TENM3: variants seen among roughly 807,000 people sequenced by gnomAD.
The protein encoded by TENM3 is teneurin-3.
In TENM3, 63 loss-of-function variants were observed where a neutral mutation model predicts 255.1. That is an observed-to-expected ratio of 0.25 (90% CI 0.20 to 0.30). The LOEUF (loss-of-function observed/expected upper bound fraction) is 0.30. Among genes scored for constraint, TENM3 ranks in the 10% least tolerant of loss-of-function variants. The pLI, the probability that TENM3 is intolerant of heterozygous loss-of-function variation, is 1.00. For synonymous variants in TENM3, 1,306 were observed against 1,322.3 expected, an observed-to-expected ratio of 0.99 and a Z score of 0.27; for missense variants, 2,929 against 3,461.1, an observed-to-expected ratio of 0.85 and a Z score of 3.86.
chr4:181,604,302 T>A, the TENM3 span, among the ~76,000 whole-genome samples: 1 of 152,170 alleles, frequency 6.6e-6, no homozygotes, highest in Non-Finnish European at 1.5e-5. Flanking sequence ...GATATCTGAA[T>A]GATCTTTCAT....
chr4:182,710,101 T>G (rs954083861), intron 12 of TENM3, among the ~76,000 whole-genome samples: 15 of 152,204 alleles, frequency 9.9e-5, no homozygotes, highest in African/African-American at 3.6e-4. Flanking sequence ...AATTAAGTTG[T>G]GTTATTTATT....
chr4:182,535,811 C>T (rs74491230), intron 3 of TENM3, among the ~76,000 whole-genome samples: 2,333 of 151,198 alleles, frequency 0.015, 56 homozygotes, highest in African/African-American at 0.054. Context: ...AACATTATTA[C>T]ATTATTATAT....
intron 3 of TENM3, among the ~76,000 whole-genome samples, chr4:182,376,685 C>T (rs144926531): frequency 5.9e-5 from 9 of 151,488 alleles, no homozygotes; most frequent in African/African-American, 2.2e-4. Flanking sequence ...GTGGCTGAAC[C>T]GGAGTCAGTG....
the TENM3 span, among the ~76,000 whole-genome samples, chr4:181,848,862 T>A: frequency 6.6e-6 from 1 of 152,042 alleles, no homozygotes; most frequent in Non-Finnish European, 1.5e-5. Flanking sequence ...ACTGGAGTAG[T>A]AATCCAGGAG....
chr4:182,646,928 T>A (rs759336817), intron 5 of TENM3, among the ~76,000 whole-genome samples: 2 of 152,152 alleles, frequency 1.3e-5, no homozygotes, highest in Non-Finnish European at 2.9e-5. Context: ...GGAGAGAAAT[T>A]AAGCAAAAAT....
the TENM3 span, among the ~76,000 whole-genome samples, chr4:182,078,200 T>G: frequency 6.6e-6 from 1 of 152,068 alleles, no homozygotes; most frequent in Non-Finnish European, 1.5e-5. Flanking sequence ...CACTCTAGTC[T>G]AGGTGACAGA....
chr4:182,664,907 G>A (rs576420262), intron 6 of TENM3, among the ~76,000 whole-genome samples: 4 of 152,316 alleles, frequency 2.6e-5, no homozygotes, highest in South Asian at 4.1e-4. Flanking sequence ...TTTGAGGAAC[G>A]AACCCGTCTC....
rs1022198714 is a variant in TENM3 at position 182,328,361 on chromosome 4, G to A, written c.232+4109G>A. On this transcript the variant is annotated intron_variant, in intron 2 of 27. Coordinates refer to ENST00000511685, the MANE Select transcript of TENM3 (RefSeq NM_001080477.4). ...TTCCCGAGTAGCTGGAATTATAGGC[G>A]CCTGCCACTACGCCCAGCTAATTTT... is the stretch of plus-strand genomic sequence containing the variant. Among the ~76,000 whole-genome samples the A allele has an allele frequency of 7.2e-5, 11 of 151,776 alleles. No individual in the cohort carries two copies. In the East Asian group the frequency reaches 1.4e-3, roughly 19 times the overall value.
intron 1 of TENM3, among the ~76,000 whole-genome samples, chr4:182,308,456 A>G (rs150478752): frequency 0.016 from 2,363 of 152,118 alleles, 55 homozygotes; most frequent in Admixed American, 0.063. Context: ...AGCTAGGCCT[A>G]CAGGTGGTAT....
the TENM3 span, among the ~76,000 whole-genome samples, chr4:181,583,230 A>C: frequency 2.0e-5 from 3 of 151,974 alleles, no homozygotes; most frequent in African/African-American, 7.3e-5. Context: ...ATATACTTTA[A>C]AACGATCTGT....
At chr4:182,614,991 G>A (rs892157713) in intron 4 of TENM3, among the ~76,000 whole-genome samples, 13 of 135,620 alleles carry the variant, frequency 9.6e-5, no homozygotes, top group African/African-American at 3.5e-4. Context: ...GTCCTCAGCA[G>A]TTTCGAAGAA....
chr4:181,768,757 T>C, the TENM3 span, among the ~76,000 whole-genome samples: 2 of 152,192 alleles, frequency 1.3e-5, no homozygotes, highest in African/African-American at 4.8e-5. Flanking sequence ...TTTATTATGA[T>C]GTGATAGCAG....
chr4:181,845,906 C>G, the TENM3 span, among the ~76,000 whole-genome samples: 2 of 152,186 alleles, frequency 1.3e-5, no homozygotes, highest in Admixed American at 6.5e-5. Context: ...GCTTGAGCCT[C>G]TTATTCTTTC....
intron 3 of TENM3, among the ~76,000 whole-genome samples, chr4:182,470,403 G>A (rs934391237): frequency 3.3e-5 from 5 of 152,128 alleles, no homozygotes; most frequent in East Asian, 1.9e-4. Flanking sequence ...GGACCATCCC[G>A]AAATTCTTGT....
Position 182,754,962 on chromosome 4 carries a change from A to G in TENM3, c.4595A>G (p.Tyr1532Cys), listed in dbSNP as rs1762623316. 3 of 1,613,940 alleles carry G rather than the reference A, an allele frequency of 1.9e-6. No homozygotes were observed. The highest frequency in any genetic ancestry group is 2.7e-5 in the African/African-American group (2 of 74,962). ...TTTGACATCAATGGTACTCACCAAT[A>G]TACTGTAAGTTTAGTCACTGGTGAT... Reference protein sequence around the residue: ...YIFDINGTHQYTVSLVTGDYL... With the variant: ...YIFDINGTHQCTVSLVTGDYL... The change falls in exon 22 of 28, where the codon TAT (tyrosine) becomes TGT (cysteine). Residue 1532 changes from tyrosine to cysteine, a missense_variant. By Grantham distance (194) the Tyr-to-Cys change is radical. This residue lies in a region of TENM3 where 1,608 missense variants were observed against 1,884.4 expected (regional missense o/e 0.85). Coordinates refer to ENST00000511685, the MANE Select transcript of TENM3 (RefSeq NM_001080477.4). This position sits in a 1 kb window ranked among gnomAD's most constrained non-coding sequence, Gnocchi z 5.1.
chr4:182,467,738 T>C (rs1022419349), intron 3 of TENM3, among the ~76,000 whole-genome samples: 3 of 152,260 alleles, frequency 2.0e-5, no homozygotes, highest in Middle Eastern at 3.4e-3. Context: ...TAGGAGAGTC[T>C]ATATATGAAC....
chr4:182,709,193 G>C (rs1203298991), intron 12 of TENM3, among the ~76,000 whole-genome samples: 1 of 151,866 alleles, frequency 6.6e-6, no homozygotes, highest in African/African-American at 2.4e-5. Context: ...ATGTTGGCCA[G>C]GATGGTCTCG....
chr4:182,044,791 C>A, the TENM3 span, among the ~76,000 whole-genome samples: 3 of 152,118 alleles, frequency 2.0e-5, no homozygotes, highest in Non-Finnish European at 2.9e-5. Flanking sequence ...CTTTTTCCTG[C>A]CGTATTGACC....
At chr4:182,580,779 G>A (rs1745413655) in intron 3 of TENM3, among the ~76,000 whole-genome samples, 1 of 152,162 alleles carries the variant, frequency 6.6e-6, no homozygotes, top group African/African-American at 2.4e-5. Context: ...TGCAAATTAT[G>A]TGTGGTACAT....
Sources: allele counts gnomAD v4.1 joint callset (sites outside exome capture counted in the v4.1 genomes callset), GRCh38; gene constraint gnomAD v4.1.1; regional missense constraint gnomAD v4.1.1; non-coding constraint Gnocchi (gnomAD v3.1); transcripts MANE v1.5; gene names NCBI Gene and HGNC (gene_info 2026-07-23, HGNC 2026-07-21).